CDH4: variants seen among roughly 807,000 people sequenced by gnomAD.
CDH4 encodes cadherin-4.
CDH4 carries 33 observed loss-of-function variants against 86.0 expected under a neutral mutation model. That is an observed-to-expected ratio of 0.38 (90% CI 0.29 to 0.51). The LOEUF is 0.51. CDH4 is among the 20% of genes least tolerant of loss of function. The pLI is 0.86. For missense variants in CDH4, 1,114 were observed against 1,307.4 expected (o/e 0.85, Z 2.28); for synonymous variants, 555 against 549.4 (o/e 1.01, Z -0.14).
intron 2 of CDH4, among the ~76,000 whole-genome samples, chr20:61,601,042 A>G (rs1327183399): frequency 6.6e-6 from 1 of 152,156 alleles, no homozygotes; most frequent in Non-Finnish European, 1.5e-5. Flanking sequence ...GTGTTGCTAT[A>G]AAGACATACC....
At chr20:61,265,680 G>A (rs534717409) in intron 2 of CDH4, among the ~76,000 whole-genome samples, 8 of 151,958 alleles carry the variant, frequency 5.3e-5, no homozygotes, top group Non-Finnish European at 8.8e-5. Context: ...CACATACCTC[G>A]CAATCTTACA....
chr20:61,636,640 G>A (rs1179704933), intron 2 of CDH4, among the ~76,000 whole-genome samples: 1 of 152,226 alleles, frequency 6.6e-6, no homozygotes, highest in African/African-American at 2.4e-5. Context: ...CCCAGCTGTG[G>A]CCTAGGATGG....
intron 6 of CDH4, among the ~76,000 whole-genome samples, chr20:61,853,519 G>A (rs1368898992): frequency 6.6e-6 from 1 of 151,912 alleles, no homozygotes; most frequent in Non-Finnish European, 1.5e-5. Context: ...CACCGGTGGT[G>A]GCGCCTGCTT....
chr20:61,487,018 C>T (rs750691950), intron 2 of CDH4, among the ~76,000 whole-genome samples: 1 of 152,170 alleles, frequency 6.6e-6, no homozygotes, highest in African/African-American at 2.4e-5. Context: ...CCTGGAGTCA[C>T]AGTCAAGGTC....
chr20:61,687,027 C>A (rs1021862021), intron 2 of CDH4, among the ~76,000 whole-genome samples: 1 of 149,020 alleles, frequency 6.7e-6, no homozygotes, highest in African/African-American at 2.5e-5. Flanking sequence ...TTGGGCGGTG[C>A]CCTTGCTGGA....
intron 4 of CDH4, among the ~76,000 whole-genome samples, chr20:61,795,134 A>ATGGTAGTG (rs371629870): frequency 3.6e-3 from 36 of 10,004 alleles, no homozygotes; most frequent in South Asian, 0.014. Flanking sequence ...TGATGATGGA[A>ATGGTAGTG]ATGATGGTAG....
At chr20:61,513,896 C>A (rs2085798135) in intron 2 of CDH4, among the ~76,000 whole-genome samples, 1 of 152,146 alleles carries the variant, frequency 6.6e-6, no homozygotes, top group Non-Finnish European at 1.5e-5. Context: ...TCCACTTGCC[C>A]AGCACAATAG....
chr20:61,734,923 G>A (rs912734046), intron 2 of CDH4, among the ~76,000 whole-genome samples: 1 of 152,094 alleles, frequency 6.6e-6, no homozygotes, highest in Non-Finnish European at 1.5e-5. Flanking sequence ...GCAGACGATA[G>A]CCCCCGCTCC....
chr20:61,735,501 G>A (rs1414701439), intron 2 of CDH4, among the ~76,000 whole-genome samples: 2 of 152,128 alleles, frequency 1.3e-5, no homozygotes, highest in Non-Finnish European at 2.9e-5. Flanking sequence ...CCAGCCCAAT[G>A]CAGACCCCCA....
chr20:61,257,618 C>T (rs564063485), intron 2 of CDH4, among the ~76,000 whole-genome samples: 16 of 152,324 alleles, frequency 1.1e-4, no homozygotes, highest in Non-Finnish European at 2.2e-4. Flanking sequence ...CACTTATGGC[C>T]CTGATCACTG....
intron 2 of CDH4, among the ~76,000 whole-genome samples, chr20:61,595,031 C>T (rs889172517): frequency 2.1e-4 from 32 of 152,220 alleles, no homozygotes; most frequent in Non-Finnish European, 3.8e-4. Flanking sequence ...CATCCGGGCA[C>T]CCTGGTGCTG....
chr20:61,276,282 A>C (rs1014640136), intron 2 of CDH4, among the ~76,000 whole-genome samples: 3 of 152,182 alleles, frequency 2.0e-5, no homozygotes, highest in African/African-American at 7.2e-5. Context: ...AGAACTTAAG[A>C]CCGGAAGTGC....
rs775655314 is a variant in CDH4, at chr20:61,517,391, C to T, written c.170-226172C>T. Among the ~76,000 whole-genome samples the T allele has an allele frequency of 6.6e-5, 10 of 152,150 alleles. No homozygotes were observed. Among genetic ancestry groups the T allele is most frequent in the Non-Finnish European group, 7.3e-5 (5 of 68,028 alleles). ...TTTACTTTTTGTAGAGACAAGGTCT[C>T]GCCGTGTTTCCCAGGCTGGTCTCAA... On this transcript the variant is annotated intron_variant, in intron 2 of 15. Transcript: ENST00000614565. The surrounding 1 kb of genome is among the most constrained non-coding windows in gnomAD (Gnocchi z 6.6).
At chr20:61,259,240 A>G (rs2084116735) in intron 2 of CDH4, among the ~76,000 whole-genome samples, 1 of 152,230 alleles carries the variant, frequency 6.6e-6, no homozygotes, top group East Asian at 1.9e-4. Flanking sequence ...AGTGTCTGGA[A>G]TCCATATCTA....
intron 2 of CDH4, among the ~76,000 whole-genome samples, chr20:61,379,993 T>TTA (rs150922876): frequency 0.25 from 37,591 of 152,010 alleles, 4,992 homozygotes; most frequent in African/African-American, 0.34. Context: ...GCAGACTTTT[T>TTA]TTACAAAGAC....
At chr20:61,530,032 TTGTG>T (rs895310730) in intron 2 of CDH4, among the ~76,000 whole-genome samples, 2 of 151,866 alleles carry the variant, frequency 1.3e-5, no homozygotes, top group South Asian at 2.1e-4. Flanking sequence ...GTTTGTTTGT[TTGTG>T]TGTTTGTTTG....
At chr20:61,934,344 A>C in intron 15 of CDH4, 124 bp downstream of exon 15, 1 of 1,074,762 alleles carries the variant, frequency 9.3e-7, no homozygotes, top group Non-Finnish European at 1.3e-6. Context: ...GGCAGCTCAG[A>C]CCCGGGTTCC....
At chr20:61,743,906 G>A in intron 3 of CDH4, 117 bp downstream of exon 3, 2 of 788,476 alleles carry the variant, frequency 2.5e-6, no homozygotes, top group East Asian at 2.7e-5. Flanking sequence ...TCCTCCTCGG[G>A]CTGTGCCACT....
chr20:61,799,637 G>A (rs946191918), intron 4 of CDH4, among the ~76,000 whole-genome samples: 2 of 152,150 alleles, frequency 1.3e-5, no homozygotes, highest in Non-Finnish European at 2.9e-5. Flanking sequence ...CTGGGCACTG[G>A]GGATAGGAGG....
Sources: gnomAD v4.1 joint callset for allele counts (sites outside exome capture counted in the v4.1 genomes callset) on GRCh38, gnomAD v4.1.1 for gene constraint, Gnocchi (gnomAD v3.1) non-coding constraint, MANE v1.5 for transcripts, NCBI Gene and HGNC (gene_info 2026-07-23, HGNC 2026-07-21) for gene names.